Variants in SLC16A9 observed in about 807,000 individuals in gnomAD.
The protein encoded by SLC16A9 is solute carrier family 16 member 9, also known as monocarboxylate transporter 9.
Under a neutral mutation model 44.3 loss-of-function variants are expected in SLC16A9, and 26 were observed. The ratio of observed to expected loss-of-function variants is 0.59; its 90% CI spans 0.43 to 0.81. SLC16A9 has a LOEUF of 0.81. SLC16A9 is among the 40% of genes least tolerant of loss of function. The pLI, the probability that SLC16A9 is intolerant of heterozygous loss-of-function variation, is 0.00. For missense variants in SLC16A9, 559 were observed against 595.8 expected, an observed-to-expected ratio of 0.94 and a Z score of 0.64; for synonymous variants, 230 against 225.1, an observed-to-expected ratio of 1.02 and a Z score of -0.19.
Position 59,664,741 on chromosome 10 carries a change from T to A in SLC16A9, c.341-419A>T, listed in dbSNP as rs991605305. ...CTTCTAAGTCCTCTAAACAACTTTTTAAAATACACTTGATCACTCAAAGCT... is the reference window on the plus strand; with the variant it reads ...CTTCTAAGTCCTCTAAACAACTTTTAAAAATACACTTGATCACTCAAAGCT... On this transcript the variant is annotated intron_variant, in intron 3 of 5. Coordinates refer to ENST00000395348, the MANE Select transcript of SLC16A9 (RefSeq NM_194298.3). 5.3e-5 allele frequency among the ~76,000 whole-genome samples: 8 copies of A among 152,198 alleles called. No individual in the cohort carries two copies. In the East Asian group the frequency reaches 9.6e-4, roughly 18 times the overall value.
chr10:59,698,186 T>C (rs1228786732), intron 1 of SLC16A9, among the ~76,000 whole-genome samples: 4 of 152,220 alleles, frequency 2.6e-5, no homozygotes, highest in African/African-American at 9.7e-5. Context: ...TGGAAACTTT[T>C]AAATCTTTAG....
At chr10:59,688,282 G>T (rs753802600) in intron 1 of SLC16A9, among the ~76,000 whole-genome samples, 3 of 152,180 alleles carry the variant, frequency 2.0e-5, no homozygotes, top group Non-Finnish European at 4.4e-5. Context: ...TACCTTCAGA[G>T]AGTCATAGCT....
At chr10:59,659,884 C>T (rs978741857) in intron 4 of SLC16A9, among the ~76,000 whole-genome samples, 1 of 152,166 alleles carries the variant, frequency 6.6e-6, no homozygotes, top group African/African-American at 2.4e-5. Context: ...ACTGAACAAC[C>T]TGCTTCTGAA....
At chr10:59,691,372 T>C (rs568009800) in intron 1 of SLC16A9, among the ~76,000 whole-genome samples, 4 of 152,278 alleles carry the variant, frequency 2.6e-5, no homozygotes, top group African/African-American at 9.6e-5. Flanking sequence ...TGAAGAACAC[T>C]AATTTAGGGG....
chr10:59,696,818 C>T (rs1456974950), intron 1 of SLC16A9, among the ~76,000 whole-genome samples: 1 of 151,112 alleles, frequency 6.6e-6, no homozygotes, highest in Non-Finnish European at 1.5e-5. Context: ...TGAGAAGCCC[C>T]TCCGCCCGGC....
Position 59,707,258 on chromosome 10 carries a change from A to G in SLC16A9, c.-37+2221T>C, listed in dbSNP as rs1217947045. ...AGGGAAGGAAAAGAGGGGAGGGCAGAGGAGGGGAGGGGAGAGGAGGGAAGG... is the reference window on the plus strand; with the variant it reads ...AGGGAAGGAAAAGAGGGGAGGGCAGGGGAGGGGAGGGGAGAGGAGGGAAGG... On this transcript the variant is annotated intron_variant, in intron 1 of 5. Transcript: ENST00000395348. Among the ~76,000 whole-genome samples the G allele has an allele frequency of 9.6e-4, 113 of 117,814 alleles. 1 individual carries two copies. The highest frequency in any genetic ancestry group is 3.6e-3 in the African/African-American group (111 of 31,196). The allele number at this position is 117,814 out of a possible 152,430, so 77.3% of individuals were successfully genotyped here. A position where few individuals can be genotyped will look rare whatever the true frequency, so the allele number is the denominator to read the frequency against.
intron 2 of SLC16A9, among the ~76,000 whole-genome samples, chr10:59,675,563 C>A (rs962211275): frequency 3.9e-5 from 6 of 152,176 alleles, no homozygotes; most frequent in Non-Finnish European, 7.3e-5. Flanking sequence ...AGCTGGTGAT[C>A]AGCAGCTTCC....
intron 4 of SLC16A9, among the ~76,000 whole-genome samples, chr10:59,658,013 T>G (rs1232083366): frequency 6.6e-6 from 1 of 152,202 alleles, no homozygotes; most frequent in Non-Finnish European, 1.5e-5. Context: ...ACCTTAAGAC[T>G]GATAGAACAG....
chr10:59,678,465 G>T (rs1315758142), intron 2 of SLC16A9, among the ~76,000 whole-genome samples: 1 of 150,172 alleles, frequency 6.7e-6, no homozygotes, highest in South Asian at 2.1e-4. Context: ...TAGTGGGTTT[G>T]GTGGTATTTA....
At chr10:59,684,576 C>T (rs1365519963) in intron 1 of SLC16A9, among the ~76,000 whole-genome samples, 1 of 152,078 alleles carries the variant, frequency 6.6e-6, no homozygotes, top group South Asian at 2.1e-4. Flanking sequence ...ATATAGCCTT[C>T]TCAACCTTGT....
At chr10:59,653,140 C>G (rs899450804) in intron 5 of SLC16A9, among the ~76,000 whole-genome samples, 190 bp from the exon 6 acceptor site, 1 of 151,984 alleles carries the variant, frequency 6.6e-6, no homozygotes, top group Non-Finnish European at 1.5e-5. Context: ...AGCAGGCAGG[C>G]TGGGTGCGGT....
intron 1 of SLC16A9, among the ~76,000 whole-genome samples, chr10:59,705,590 TG>T (rs1840619963): frequency 6.6e-6 from 1 of 152,086 alleles, no homozygotes; most frequent in Non-Finnish European, 1.5e-5. Flanking sequence ...CCCAGGAAAG[TG>T]GAAGTGTTTT....
chr10:59,684,379 C>T, intron 1 of SLC16A9, 52 bp from the exon 2 acceptor site: 1 of 1,030,370 alleles, frequency 9.7e-7, no homozygotes. Context: ...TGGTAGGGCA[C>T]AGCGCTTGGG....
intron 3 of SLC16A9, among the ~76,000 whole-genome samples, chr10:59,665,388 G>T (rs986254212): frequency 2.6e-5 from 4 of 152,116 alleles, no homozygotes; most frequent in Admixed American, 2.6e-4. Context: ...AAGAATACAT[G>T]AGTTTAACAA....
intron 2 of SLC16A9, among the ~76,000 whole-genome samples, chr10:59,673,809 G>A (rs944329253): frequency 3.3e-5 from 5 of 152,068 alleles, no homozygotes; most frequent in African/African-American, 1.2e-4. Context: ...AACACCTAGA[G>A]TTATATACAT....
rs1454796568 is a variant in SLC16A9, at chr10:59,684,182, T to C, written c.110A>G (p.Tyr37Cys). Reference sequence around the variant, plus strand: ...ACCAAAGGCATCCAGCCATTCTATGTACAGGACTCCAACAGCTAGTGGGGA... The same window carrying C: ...ACCAAAGGCATCCAGCCATTCTATGCACAGGACTCCAACAGCTAGTGGGGA... Reference protein sequence around the residue: ...YGSPLAVGVLYIEWLDAFGEG... With the variant: ...YGSPLAVGVLCIEWLDAFGEG... Residue 37 changes from tyrosine to cysteine, a missense_variant, in exon 2 of 6, where the codon TAC becomes TGC. Tyr to Cys is a radical substitution (Grantham distance 194). Transcript: ENST00000395348. 6.2e-7 allele frequency: 1 copy of C among 1,614,050 alleles called. No homozygotes were observed. The highest frequency in any genetic ancestry group is 8.5e-7 in the Non-Finnish European group (1 of 1,180,028).
chr10:59,698,183 T>A (rs1358329175), intron 1 of SLC16A9, among the ~76,000 whole-genome samples: 1 of 152,196 alleles, frequency 6.6e-6, no homozygotes, highest in Non-Finnish European at 1.5e-5. Flanking sequence ...CTTTGGAAAC[T>A]TTTAAATCTT....
intron 1 of SLC16A9, among the ~76,000 whole-genome samples, chr10:59,693,734 C>T (rs1040460308): frequency 1.5e-4 from 22 of 150,984 alleles, no homozygotes; most frequent in East Asian, 9.7e-4. Flanking sequence ...ATTCTCCTGC[C>T]GCAGCCTCCC....
At chr10:59,681,120 G>A (rs1045589812) in intron 2 of SLC16A9, among the ~76,000 whole-genome samples, 2 of 151,968 alleles carry the variant, frequency 1.3e-5, no homozygotes, top group African/African-American at 4.8e-5. Context: ...TATCTCCCTG[G>A]CTAAGAACCA....
Sources: allele counts gnomAD v4.1 joint callset (sites outside exome capture counted in the v4.1 genomes callset), GRCh38; gene constraint gnomAD v4.1.1; transcripts MANE v1.5; gene names NCBI Gene and HGNC (gene_info 2026-07-23, HGNC 2026-07-21).